PRSS12: variants seen among roughly 807,000 people sequenced by gnomAD.
PRSS12 encodes the protein serine protease 12.
A neutral mutation model predicts 104.4 loss-of-function variants in PRSS12; 85 were observed. The ratio of observed to expected loss-of-function variants is 0.81; its 90% CI spans 0.68 to 0.98. The LOEUF (loss-of-function observed/expected upper bound fraction) is 0.98. Ranked by LOEUF, PRSS12 falls within the 50% of genes least tolerant of loss-of-function variation. PRSS12 has a pLI of 0.00. For missense variants in PRSS12, 1,141 were observed against 1,139.2 expected, an observed-to-expected ratio of 1.00 and a Z score of -0.02; for synonymous variants, 454 against 425.2, an observed-to-expected ratio of 1.07 and a Z score of -0.83.
In PRSS12 at chr4:118,295,014, C is replaced by A. The variant is rs544110238; in HGVS notation, c.1964G>T (p.Gly655Val). The A allele has an allele frequency of 6.2e-7, 1 of 1,614,148 alleles. No homozygotes were observed. The highest frequency in any genetic ancestry group is 1.3e-5 in the African/African-American group (1 of 75,054). ...AGCCCCGCAGAGGAGCCTGCCATCT[C>A]CATGGGATGACTTCAGCCGGAGGGA... The part of the protein sequence containing the change: ...QVSLRLKSSH[G>V]DGRLLCGATL... The change falls in exon 11 of 13, where the codon GGA becomes GTA. Residue 655 changes from glycine (G) to valine (V), a missense_variant. By Grantham distance (109) the Gly-to-Val change is moderately radical. Coordinates refer to ENST00000296498, the MANE Select transcript of PRSS12 (RefSeq NM_003619.4).
At chr4:118,282,585 A>G (rs1280780994) in intron 12 of PRSS12, among the ~76,000 whole-genome samples, 1 of 152,222 alleles carries the variant, frequency 6.6e-6, no homozygotes, top group African/African-American at 2.4e-5. Flanking sequence ...CTGGTTTCGC[A>G]TTAGCACATC....
intron 11 of PRSS12, among the ~76,000 whole-genome samples, chr4:118,289,935 G>T (rs1218872844): frequency 1.3e-5 from 2 of 152,146 alleles, no homozygotes; most frequent in Non-Finnish European, 2.9e-5. Context: ...TGCAAATAAT[G>T]AGAAGAAATT....
chr4:118,338,362 T>A (rs1724114273), intron 1 of PRSS12, 48 bp from the exon 2 acceptor site: 1 of 1,607,642 alleles, frequency 6.2e-7, no homozygotes, highest in East Asian at 2.2e-5. Flanking sequence ...AATAATCATT[T>A]GAACATATTG....
intron 3 of PRSS12, among the ~76,000 whole-genome samples, chr4:118,333,724 T>C (rs570535882): frequency 6.6e-6 from 1 of 152,336 alleles, no homozygotes; most frequent in Middle Eastern, 3.4e-3. Flanking sequence ...AGACAGTTTA[T>C]GGCATAACCA....
At chr4:118,346,067 A>T (rs967047823) in intron 1 of PRSS12, among the ~76,000 whole-genome samples, 1 of 152,218 alleles carries the variant, frequency 6.6e-6, no homozygotes, top group Non-Finnish European at 1.5e-5. Flanking sequence ...TCAAAAGGAC[A>T]TTCCTGCAGA....
At chr4:118,297,701 G>A (rs150155313) in intron 9 of PRSS12, among the ~76,000 whole-genome samples, 1 of 152,000 alleles carries the variant, frequency 6.6e-6, no homozygotes, top group African/African-American at 2.4e-5. Context: ...TCAAAATACA[G>A]GTGCACCTGA....
intron 6 of PRSS12, among the ~76,000 whole-genome samples, chr4:118,315,182 T>C (rs76098011): frequency 0.11 from 17,279 of 152,094 alleles, 1,331 homozygotes; most frequent in South Asian, 0.2. Context: ...TCTGTGGATA[T>C]TGTTTTCATT....
At chr4:118,344,029 C>T (rs1225326036) in intron 1 of PRSS12, among the ~76,000 whole-genome samples, 1 of 152,024 alleles carries the variant, frequency 6.6e-6, no homozygotes, top group African/African-American at 2.4e-5. Flanking sequence ...TAGTTTTAGT[C>T]ATTTCTATTG....
intron 1 of PRSS12, among the ~76,000 whole-genome samples, chr4:118,343,962 G>A (rs947434793): frequency 6.6e-6 from 1 of 151,850 alleles, no homozygotes; most frequent in African/African-American, 2.4e-5. Context: ...AAAACTTCAC[G>A]TTTTCACACA....
At chr4:118,338,111 G>A in intron 2 of PRSS12, 65 bp downstream of exon 2, 3 of 1,591,418 alleles carry the variant, frequency 1.9e-6, no homozygotes, top group Non-Finnish European at 2.6e-6. Context: ...ACAAAGCAAT[G>A]ACGGGCACCC....
chr4:118,322,852 A>T (rs788652), intron 4 of PRSS12, among the ~76,000 whole-genome samples: 1 of 151,536 alleles, frequency 6.6e-6, no homozygotes, highest in Non-Finnish European at 1.5e-5. Flanking sequence ...GCACCAAATC[A>T]GGTATGCTAT....
chr4:118,318,405 C>A lies in PRSS12; in HGVS notation c.1123G>T (p.Ala375Ser), dbSNP rs775876526. The A allele has an allele frequency of 6.2e-7, 1 of 1,614,104 alleles. No homozygotes were observed. The highest frequency in any genetic ancestry group is 1.7e-5 in the Admixed American group (1 of 60,016). Reference protein sequence around the residue: ...GEHNCGHKEDAGVSCTPLTDG... With the variant: ...GEHNCGHKEDSGVSCTPLTDG... ...GTTAGAGGGGTACAGGACACTCCAG[C>A]ATCTTCTTTATGGCCACAGTTATGC... Residue 375 changes from alanine to serine, a missense_variant, in exon 5 of 13, where the codon GCT (alanine) becomes TCT (serine). Coordinates refer to ENST00000296498, the MANE Select transcript of PRSS12 (RefSeq NM_003619.4).
rs373311928 is a variant in PRSS12, at chr4:118,352,412, C to G, written c.309G>C (p.Thr103=). Residue 103 remains threonine, a synonymous_variant, in exon 1 of 13, where the codon ACG becomes ACC. Coordinates refer to ENST00000296498, the MANE Select transcript of PRSS12 (RefSeq NM_003619.4). ...CPAGEPWVSV[T]DFGAPCLRWA... ...ACCGCAGACACGGGGCGCCGAAGTC[C>G]GTCACGCTGACCCATGGCTCGCCGG... is the stretch of plus-strand genomic sequence containing the variant. The G allele has an allele frequency of 4.7e-4, 718 of 1,534,716 alleles. 1 individual carries two copies. The African/African-American group carries it at 9.0e-3, about 19-fold the overall frequency.
chr4:118,322,408 G>C (rs996301247), intron 4 of PRSS12, among the ~76,000 whole-genome samples: 1 of 152,006 alleles, frequency 6.6e-6, no homozygotes, highest in African/African-American at 2.4e-5. Context: ...AAATTAGCTA[G>C]GCATGGTGGT....
intron 5 of PRSS12, among the ~76,000 whole-genome samples, chr4:118,316,837 A>AAAAAATATATATAT (rs35698159): frequency 0.049 from 4,851 of 98,536 alleles, 220 homozygotes; most frequent in Non-Finnish European, 0.056. Context: ...AAAAAAAAAA[A>AAAAAATATATATAT]ATATATATAT....
At chr4:118,334,546 T>C (rs988291746) in intron 3 of PRSS12, among the ~76,000 whole-genome samples, 2 of 152,052 alleles carry the variant, frequency 1.3e-5, no homozygotes, top group African/African-American at 4.8e-5. Context: ...GTTTAACATA[T>C]GCCTCTCCCA....
intron 3 of PRSS12, among the ~76,000 whole-genome samples, chr4:118,332,198 G>T (rs1464364700): frequency 6.6e-6 from 1 of 152,036 alleles, no homozygotes; most frequent in Non-Finnish European, 1.5e-5. Flanking sequence ...TTATGGTGGT[G>T]GCATTGATTT....
intron 8 of PRSS12, among the ~76,000 whole-genome samples, chr4:118,302,820 C>T (rs965509464): frequency 2.0e-5 from 3 of 151,934 alleles, no homozygotes; most frequent in Non-Finnish European, 4.4e-5. Flanking sequence ...ATTGTCTCTC[C>T]TTTTTCTTAG....
intron 8 of PRSS12, among the ~76,000 whole-genome samples, chr4:118,300,404 A>G (rs1471009487): frequency 6.6e-6 from 1 of 152,206 alleles, no homozygotes; most frequent in Non-Finnish European, 1.5e-5. Flanking sequence ...TTGTTTAATA[A>G]CACATTTTAA....
Sources: allele counts gnomAD v4.1 joint callset (sites outside exome capture counted in the v4.1 genomes callset), GRCh38; gene constraint gnomAD v4.1.1; transcripts MANE v1.5; gene names NCBI Gene and HGNC (gene_info 2026-07-23, HGNC 2026-07-21).